The following ADAMTS18 variants were observed in gnomAD, a reference collection of about 807,000 sequenced individuals.
ADAMTS18 encodes ADAM metallopeptidase with thrombospondin type 1 motif 18, also known as A disintegrin and metalloproteinase with thrombospondin motifs 18.
In ADAMTS18, 157 loss-of-function variants were observed where a neutral mutation model predicts 165.9. That is an observed-to-expected ratio of 0.95 (90% CI 0.83 to 1.08). The LOEUF (loss-of-function observed/expected upper bound fraction) is 1.08, where lower values mean the gene tolerates loss of function less well. ADAMTS18 is among the 50% of genes least tolerant of loss of function. The pLI is 0.00. For synonymous variants in ADAMTS18, 782 were observed against 578.2 expected (o/e 1.35, Z -5.06); for missense variants, 2,040 against 1,534.0 (o/e 1.33, Z -5.51).
At chr16:77,353,949 A>C in intron 9 of ADAMTS18, 63 bp from the exon 10 acceptor site, 6 of 1,598,962 alleles carry the variant, frequency 3.8e-6, no homozygotes, top group Non-Finnish European at 5.1e-6. Flanking sequence ...ATTTACGACA[A>C]CACACTTCTG....
intron 10 of ADAMTS18, among the ~76,000 whole-genome samples, chr16:77,351,631 C>G (rs1192845838): frequency 6.6e-6 from 1 of 152,086 alleles, no homozygotes; most frequent in Non-Finnish European, 1.5e-5. Flanking sequence ...ATGAAGTGAA[C>G]AAGAGGCAAA....
At chr16:77,363,178 A>T (rs2056740924) in intron 6 of ADAMTS18, among the ~76,000 whole-genome samples, 1 of 152,228 alleles carries the variant, frequency 6.6e-6, no homozygotes, top group African/African-American at 2.4e-5. Flanking sequence ...CAAAGCAGTG[A>T]GTACCATGTA....
intron 3 of ADAMTS18, among the ~76,000 whole-genome samples, chr16:77,397,754 A>C (rs2057277024): frequency 6.6e-6 from 1 of 152,244 alleles, no homozygotes; most frequent in African/African-American, 2.4e-5. Flanking sequence ...AAACATTGGA[A>C]GATTTCACAT....
chr16:77,375,192 A>G (rs1391152369), intron 3 of ADAMTS18, among the ~76,000 whole-genome samples: 3 of 152,098 alleles, frequency 2.0e-5, no homozygotes, highest in Admixed American at 6.6e-5. Flanking sequence ...TCCTCTGTAT[A>G]AAGTGTAAAG....
intron 16 of ADAMTS18, among the ~76,000 whole-genome samples, chr16:77,305,791 A>T (rs148023834): frequency 1.2e-3 from 188 of 152,294 alleles, no homozygotes; most frequent in African/African-American, 4.2e-3. Context: ...TGATGTGGGG[A>T]AACAGGACAA....
intron 3 of ADAMTS18, among the ~76,000 whole-genome samples, chr16:77,430,552 A>G (rs932476563): frequency 2.6e-5 from 4 of 152,222 alleles, no homozygotes; most frequent in Admixed American, 6.5e-5. Flanking sequence ...CTCTTCTGTC[A>G]ATTCAAGACA....
intron 16 of ADAMTS18, 97 bp from the exon 17 acceptor site, chr16:77,300,501 T>C (rs2055562140): frequency 7.1e-7 from 1 of 1,412,710 alleles, no homozygotes; most frequent in Non-Finnish European, 1.0e-6. Flanking sequence ...TTACATGACA[T>C]TTTGACCTTA....
intron 3 of ADAMTS18, among the ~76,000 whole-genome samples, chr16:77,371,366 T>C (rs1466435586): frequency 6.6e-6 from 1 of 152,100 alleles, no homozygotes; most frequent in Non-Finnish European, 1.5e-5. Flanking sequence ...AAACATCACA[T>C]TACTCAACTT....
At chr16:77,394,049 G>A (rs180901249) in intron 3 of ADAMTS18, among the ~76,000 whole-genome samples, 47 of 152,278 alleles carry the variant, frequency 3.1e-4, no homozygotes, top group African/African-American at 1.0e-3. Context: ...GATTGATGAC[G>A]ATTTTATTTG....
chr16:77,353,986 G>T, intron 9 of ADAMTS18, 100 bp from the exon 10 acceptor site: 2 of 1,412,318 alleles, frequency 1.4e-6, no homozygotes, highest in Non-Finnish European at 2.0e-6. Context: ...GAAAAATATA[G>T]CATGGTTCTA....
intron 3 of ADAMTS18, among the ~76,000 whole-genome samples, chr16:77,389,539 G>C (rs2057157013): frequency 6.6e-6 from 1 of 152,148 alleles, no homozygotes; most frequent in Non-Finnish European, 1.5e-5. Context: ...ATAAGTAATG[G>C]AGCAGGGCTG....
intron 3 of ADAMTS18, among the ~76,000 whole-genome samples, chr16:77,396,302 G>A (rs942503082): frequency 3.3e-5 from 5 of 152,150 alleles, no homozygotes; most frequent in African/African-American, 4.8e-5. Context: ...TGTGTTTGCC[G>A]TAAAGGGAAA....
chr16:77,351,588 G>C (rs1416530272), intron 10 of ADAMTS18, among the ~76,000 whole-genome samples: 1 of 152,142 alleles, frequency 6.6e-6, no homozygotes, highest in African/African-American at 2.4e-5. Flanking sequence ...TAATAAATTT[G>C]TGATTAATAA....
intron 2 of ADAMTS18, among the ~76,000 whole-genome samples, chr16:77,433,187 AAACTT>A (rs2057759217): frequency 6.6e-6 from 1 of 152,162 alleles, no homozygotes. Context: ...TGTCAAACTA[AAACTT>A]AACTATGAAA....
intron 10 of ADAMTS18, among the ~76,000 whole-genome samples, chr16:77,342,601 T>C (rs1292735645): frequency 1.3e-5 from 2 of 152,234 alleles, no homozygotes; most frequent in Non-Finnish European, 2.9e-5. Flanking sequence ...ACCTTCTTCG[T>C]CTCTATTGCA....
chr16:77,314,536 C>A (rs7194896), intron 16 of ADAMTS18, among the ~76,000 whole-genome samples: 19 of 148,540 alleles, frequency 1.3e-4, no homozygotes, highest in Non-Finnish European at 8.9e-5. Flanking sequence ...CGCTTGGACC[C>A]AGTAGGCGGA....
chr16:77,291,005 G>A (rs965154296), intron 21 of ADAMTS18: 10 of 423,992 alleles, frequency 2.4e-5, no homozygotes, highest in East Asian at 1.9e-4. Flanking sequence ...TGGCCTGGTG[G>A]TAAGTGTTTT....
intron 3 of ADAMTS18, among the ~76,000 whole-genome samples, chr16:77,395,446 C>G (rs191796798): frequency 6.5e-4 from 99 of 152,320 alleles, no homozygotes; most frequent in Middle Eastern, 6.8e-3. Flanking sequence ...GTCATTCCCT[C>G]CACTGGGGCT....
At position 77,434,404 on chromosome 16, in the gene ADAMTS18, G is replaced by T. The variant is rs1322668538; in HGVS notation, c.178+14C>A. 3.2e-6 allele frequency: 5 copies of T among 1,564,360 alleles called. No individual in the cohort carries two copies. The highest frequency in any genetic ancestry group is 4.3e-6 in the Non-Finnish European group (5 of 1,161,260). ...GCGAAAGGCCCTTCTTGGGGATGGG[G>T]GGCAAATACGAACCATCATTTAATC... On this transcript the variant is annotated intron_variant, in intron 2 of 22. Transcript: ENST00000282849.
Sources: allele counts gnomAD v4.1 joint callset (sites outside exome capture counted in the v4.1 genomes callset), GRCh38; gene constraint gnomAD v4.1.1; transcripts MANE v1.5; gene names NCBI Gene and HGNC (gene_info 2026-07-23, HGNC 2026-07-21).